Variants in SLC8A1 observed in about 807,000 individuals in gnomAD.
The protein encoded by SLC8A1 is solute carrier family 8 member A1, also known as sodium/calcium exchanger 1.
SLC8A1 carries 18 observed loss-of-function variants against 68.3 expected under a neutral mutation model. The ratio of observed to expected loss-of-function variants is 0.26; its 90% CI spans 0.18 to 0.39. The LOEUF (loss-of-function observed/expected upper bound fraction) is 0.39. Among genes scored for constraint, SLC8A1 ranks in the 10% least tolerant of loss-of-function variants. The pLI is 1.00. For missense variants in SLC8A1, 985 were observed against 1,156.7 expected, an observed-to-expected ratio of 0.85 and a Z score of 2.15; for synonymous variants, 475 against 415.5, an observed-to-expected ratio of 1.14 and a Z score of -1.74.
chr2:40,374,700 C>T (rs547040097), intron 2 of SLC8A1, among the ~76,000 whole-genome samples: 27 of 151,954 alleles, frequency 1.8e-4, no homozygotes, highest in African/African-American at 5.8e-4. Context: ...GCCTGACACA[C>T]ATTCAGGCCT....
chr2:40,399,205 G>C (rs559436589), intron 2 of SLC8A1, among the ~76,000 whole-genome samples: 20 of 152,222 alleles, frequency 1.3e-4, no homozygotes, highest in African/African-American at 4.3e-4. Flanking sequence ...ATTAGATTAA[G>C]CTTCCCAGCA....
chr2:40,230,230 G>C (rs530442551), intron 2 of SLC8A1, among the ~76,000 whole-genome samples: 1 of 152,164 alleles, frequency 6.6e-6, no homozygotes, highest in Admixed American at 6.5e-5. Context: ...TTCTAGTTTT[G>C]CTAGATGTGT....
chr2:40,182,078 A>G (rs1362005260), intron 2 of SLC8A1, among the ~76,000 whole-genome samples: 1 of 152,198 alleles, frequency 6.6e-6, no homozygotes, highest in Non-Finnish European at 1.5e-5. Context: ...CACTGTCACA[A>G]GGACTCCAGC....
intron 5 of SLC8A1, 114 bp downstream of exon 8, chr2:40,164,740 C>T: frequency 7.2e-7 from 1 of 1,394,010 alleles, no homozygotes; most frequent in Non-Finnish European, 9.8e-7. Context: ...AAGCCAGTTC[C>T]TGAAATTACA....
chr2:40,175,288 A>G lies in SLC8A1; in HGVS notation c.1913-446T>C. On this transcript the variant is annotated intron_variant, in intron 3 of 7. Coordinates refer to ENST00000406785, the Ensembl canonical transcript of SLC8A1. The stretch of plus-strand genomic sequence containing the variant: ...AGCTCATTCAATAACAGGGCTGTGA[A>G]GGAAACAGACAAAGACAAACACAGA... 6.2e-7 allele frequency: 1 copy of G among 1,612,776 alleles called. No homozygotes were observed.
intron 7 of SLC8A1, among the ~76,000 whole-genome samples, chr2:40,119,983 A>G (rs1025659195): frequency 6.6e-6 from 1 of 152,216 alleles, no homozygotes; most frequent in South Asian, 2.1e-4. Context: ...ACCTTGCCCA[A>G]GTCATCTGGT....
intron 2 of SLC8A1, among the ~76,000 whole-genome samples, chr2:40,253,065 A>G (rs1338876490): frequency 3.3e-5 from 3 of 91,566 alleles, no homozygotes; most frequent in Non-Finnish European, 7.2e-5. Flanking sequence ...GTACATGTAT[A>G]TACTATATAT....
chr2:40,226,258 G>A (rs1022827066), intron 2 of SLC8A1, among the ~76,000 whole-genome samples: 1 of 152,114 alleles, frequency 6.6e-6, no homozygotes, highest in Non-Finnish European at 1.5e-5. Flanking sequence ...AGCCTTGCTG[G>A]ATTTGTGCAA....
intron 2 of SLC8A1, among the ~76,000 whole-genome samples, chr2:40,373,767 T>C (rs1232572609): frequency 2.6e-5 from 4 of 152,118 alleles, no homozygotes; most frequent in African/African-American, 9.7e-5. Flanking sequence ...TAAGGCTTAA[T>C]GGCAGGTGGC....
At chr2:40,340,516 G>C (rs111601713) in intron 2 of SLC8A1, among the ~76,000 whole-genome samples, 1 of 152,148 alleles carries the variant, frequency 6.6e-6, no homozygotes, top group Non-Finnish European at 1.5e-5. Flanking sequence ...AGCTGAGATC[G>C]TGCGACTGCA....
chr2:40,226,500 G>C (rs1306211345), intron 2 of SLC8A1, among the ~76,000 whole-genome samples: 1 of 152,062 alleles, frequency 6.6e-6, no homozygotes, highest in African/African-American at 2.4e-5. Flanking sequence ...GAATAATCTG[G>C]TTTCTGTACA....
intron 2 of SLC8A1, among the ~76,000 whole-genome samples, chr2:40,237,495 T>C (rs1478996319): frequency 6.6e-6 from 1 of 152,064 alleles, no homozygotes; most frequent in Non-Finnish European, 1.5e-5. Flanking sequence ...TTATTCTAGT[T>C]ATACATTCTT....
chr2:40,115,052 A>C (rs1464952709), exon 8 of SLC8A1: 1 of 320,732 alleles, frequency 3.1e-6, no homozygotes, highest in African/African-American at 2.2e-5. Flanking sequence ...CCCTGCCTCC[A>C]TGCCTTGTTG....
chr2:40,493,715 C>A (rs1382570164), intron 1 of SLC8A1, among the ~76,000 whole-genome samples: 2 of 150,200 alleles, frequency 1.3e-5, no homozygotes, highest in Non-Finnish European at 3.0e-5. Flanking sequence ...AGTGCAGTGG[C>A]ACGATCTCAA....
At position 40,202,816 on chromosome 2, in the gene SLC8A1, C is replaced by A. The variant is rs1428576; in HGVS notation, c.1809-24961G>T. 8.9e-3 allele frequency among the ~76,000 whole-genome samples: 1,359 copies of A among 152,074 alleles called. 64 individuals are homozygous for A. The highest frequency in any genetic ancestry group is 0.079 in the Admixed American group (1,206 of 15,236). On this transcript the variant is annotated intron_variant, in intron 2 of 7. Coordinates refer to ENST00000406785, the Ensembl canonical transcript of SLC8A1. ...TCACTGTTCATGAATTGCAATTACCCTCTGGCCTGCAAGCATGTGTTCATA... is the reference window on the plus strand; with the variant it reads ...TCACTGTTCATGAATTGCAATTACCATCTGGCCTGCAAGCATGTGTTCATA...
At chr2:40,245,217 A>T (rs539289023) in intron 2 of SLC8A1, among the ~76,000 whole-genome samples, 9 of 114,158 alleles carry the variant, frequency 7.9e-5, no homozygotes, top group Non-Finnish European at 8.8e-5. Flanking sequence ...GGATTCTGTG[A>T]TTTGTGCTGT....
chr2:40,145,059 T>C (rs868226346), intron 6 of SLC8A1, among the ~76,000 whole-genome samples: 6 of 152,170 alleles, frequency 3.9e-5, no homozygotes, highest in Non-Finnish European at 4.4e-5. Flanking sequence ...TTGACCTATG[T>C]CTCTCATTGC....
chr2:40,235,674 T>C (rs2060268704), intron 2 of SLC8A1, among the ~76,000 whole-genome samples: 1 of 152,034 alleles, frequency 6.6e-6, no homozygotes. Flanking sequence ...CTTTTCTAGT[T>C]CTTTTAATGG....
intron 2 of SLC8A1, among the ~76,000 whole-genome samples, chr2:40,323,104 T>C (rs960097011): frequency 6.6e-6 from 1 of 152,152 alleles, no homozygotes; most frequent in African/African-American, 2.4e-5. Flanking sequence ...ACAGAAATAT[T>C]CTTATTTGTA....
Sources: gnomAD v4.1 joint callset for allele counts (sites outside exome capture counted in the v4.1 genomes callset) on GRCh38, gnomAD v4.1.1 for gene constraint, MANE v1.5 for transcripts, NCBI Gene and HGNC (gene_info 2026-07-23, HGNC 2026-07-21) for gene names.